The following AADACL3 variants were observed in gnomAD, a reference collection of about 807,000 sequenced individuals.
AADACL3 encodes the protein arylacetamide deacetylase-like 3.
AADACL3 carries 13 observed loss-of-function variants against 13.6 expected under a neutral mutation model. That is an observed-to-expected ratio of 0.95 (90% CI 0.62 to 1.52). AADACL3 has a LOEUF of 1.52. AADACL3 is among the 40% of genes most tolerant of loss of function. The pLI is 0.00. For synonymous variants in AADACL3, 195 were observed against 197.0 expected, an observed-to-expected ratio of 0.99 and a Z score of 0.08; for missense variants, 519 against 499.2, an observed-to-expected ratio of 1.04 and a Z score of -0.38.
Position 12,726,325 on chromosome 1 carries a change from T to G in AADACL3, c.*329T>G. The G allele has an allele frequency of 3.2e-6, 1 of 308,950 alleles. No individual in the cohort carries two copies. Among genetic ancestry groups the G allele is most frequent in the Non-Finnish European group, 6.0e-6 (1 of 167,182 alleles). The allele number at this position is 308,950 out of a possible 1,614,324, so 19.1% of individuals were successfully genotyped here. ...AGCCTCCCTAAGGGGCAGTTCAGGC[T>G]CCCAGATTGATCCAGACTGTGTGTG... On this transcript the variant is annotated 3_prime_UTR_variant, in exon 4 of 4. Coordinates refer to ENST00000359318, the MANE Select transcript of AADACL3 (RefSeq NM_001103170.3).
intron 3 of AADACL3, among the ~76,000 whole-genome samples, chr1:12,722,186 G>T (rs946379018): frequency 1.3e-5 from 2 of 152,074 alleles, no homozygotes; most frequent in Non-Finnish European, 2.9e-5. Flanking sequence ...AATTAGCCAG[G>T]TGTGGTGGCA....
intron 3 of AADACL3, among the ~76,000 whole-genome samples, chr1:12,724,023 A>G (rs1638318457): frequency 1.3e-5 from 2 of 152,032 alleles, no homozygotes; most frequent in African/African-American, 4.8e-5. Context: ...ACCTCAGGTG[A>G]TCCACCTGCC....
chr1:12,724,680 C>T (rs1020460884), intron 3 of AADACL3, among the ~76,000 whole-genome samples: 1 of 151,974 alleles, frequency 6.6e-6, no homozygotes, highest in East Asian at 1.9e-4. Flanking sequence ...GAGGTGGGGT[C>T]TCACCATGTT....
chr1:12,728,520 AG>A lies in AADACL3; in HGVS notation c.*2526del, dbSNP rs1322694962. On this transcript the variant is annotated 3_prime_UTR_variant, in exon 4 of 4. Transcript: ENST00000359318. ...GAGCCTTCAGTGATTGCAGTAGCCT[AG>A]GCTACTATTTTCTATGTGGGGTTTG... 2 of 152,268 alleles carry A rather than the reference AG, an allele frequency of 1.3e-5. No homozygotes were observed. The highest frequency in any genetic ancestry group is 4.8e-5 in the African/African-American group (2 of 41,456). The allele number at this position is 152,268 out of a possible 1,614,324, so 9.4% of individuals were successfully genotyped here.
Position 12,727,623 on chromosome 1 carries a change from G to A in AADACL3, c.*1627G>A, listed in dbSNP as rs1030713241. 6.6e-6 allele frequency: 1 copy of A among 152,240 alleles called. No homozygotes were observed. The highest frequency in any genetic ancestry group is 1.5e-5 in the Non-Finnish European group (1 of 68,046). 9.4% of individuals were successfully genotyped at this position (152,240 alleles called of 1,614,324 possible). On this transcript the variant is annotated 3_prime_UTR_variant, in exon 4 of 4. Coordinates refer to ENST00000359318, the MANE Select transcript of AADACL3 (RefSeq NM_001103170.3). ...TGTGCATGCCCTTAACTTGCTTTCA[G>A]TTGAATATTTGGGCTGAACTATGAG...
chr1:12,719,312 G>T (rs1009767121), intron 1 of AADACL3, among the ~76,000 whole-genome samples, 163 bp from the exon 2 acceptor site: 1 of 152,176 alleles, frequency 6.6e-6, no homozygotes, highest in Non-Finnish European at 1.5e-5. Flanking sequence ...TTTCCTGCAG[G>T]TGTCCTGAGG....
At chr1:12,719,447 G>A (rs367966099) in intron 1 of AADACL3, 28 bp from the exon 2 acceptor site, 18 of 1,600,704 alleles carry the variant, frequency 1.1e-5, no homozygotes, top group Middle Eastern at 1.7e-4. Flanking sequence ...AACCCATCTC[G>A]ACCCATCATT....
intron 3 of AADACL3, among the ~76,000 whole-genome samples, chr1:12,723,870 G>C (rs1317831160): frequency 1.4e-5 from 1 of 73,710 alleles, no homozygotes; most frequent in Admixed American, 1.1e-4. Context: ...CACAACTTCT[G>C]CCTCCTGGGT....
In AADACL3 at chr1:12,720,963, T is replaced by C. The variant is rs867622256; in HGVS notation, c.449+17T>C. 1.3e-5 allele frequency: 21 copies of C among 1,583,006 alleles called. No individual in the cohort carries two copies. The Middle Eastern group carries it at 2.2e-3, about 166-fold the overall frequency. On this transcript the variant is annotated intron_variant, in intron 3 of 3. Transcript: ENST00000359318. ...GGCAGTTGGGTGAGTAAAGGGGAGATCCCAGGGAGCCAGCAAGGAGCAAGG... is the reference window on the plus strand; with the variant it reads ...GGCAGTTGGGTGAGTAAAGGGGAGACCCCAGGGAGCCAGCAAGGAGCAAGG...
At chr1:12,720,712 T>G (rs1638230090) in intron 2 of AADACL3, among the ~76,000 whole-genome samples, 171 bp from the exon 3 acceptor site, 1 of 152,120 alleles carries the variant, frequency 6.6e-6, no homozygotes, top group African/African-American at 2.4e-5. Flanking sequence ...AGAAAGTTGT[T>G]CAGGCAGTAC....
chr1:12,725,689 C>T lies in AADACL3; in HGVS notation c.917C>T (p.Pro306Leu), dbSNP rs758978507. The change falls in exon 4 of 4, where the codon CCC becomes CTC. Residue 306 changes from proline (P) to leucine (L), a missense_variant. Physicochemically the swap from Pro to Leu is moderately conservative, Grantham distance 98 (BLOSUM62 -3). Transcript: ENST00000359318. ...ERGYQLKPHE[P>L]MNEAAYLEVS... ...GGTTACCAACTGAAGCCCCATGAGC[C>T]CATGAATGAAGCTGCTTACTTGGAA... The T allele has an allele frequency of 6.2e-7, 1 of 1,614,088 alleles. No homozygotes were observed. The highest frequency in any genetic ancestry group is 1.1e-5 in the South Asian group (1 of 91,064).
intron 3 of AADACL3, among the ~76,000 whole-genome samples, chr1:12,723,620 GACA>G (rs1397492317): frequency 6.6e-6 from 1 of 152,008 alleles, no homozygotes; most frequent in Non-Finnish European, 1.5e-5. Context: ...TGGGACCACA[GACA>G]CACACCACCA....
In AADACL3 at chr1:12,719,636, C is replaced by T. The variant is rs1363784105; in HGVS notation, c.330C>T (p.Thr110=). ...KLYQPKASTC[T]LKPGIVYYHG... is the part of the protein sequence containing the mutation. ...ACCAACCCAAGGCATCCACCTGCAC[C>T]CTGAAGCCTGGCATCGTGTACTACC... Residue 110 remains threonine (T), a synonymous_variant, in exon 2 of 4, where the codon ACC becomes ACT. Coordinates refer to ENST00000359318, the MANE Select transcript of AADACL3 (RefSeq NM_001103170.3). 2 of 1,614,186 alleles carry T rather than the reference C, an allele frequency of 1.2e-6. No individual in the cohort carries two copies. The highest frequency in any genetic ancestry group is 1.7e-5 in the Admixed American group (1 of 60,016).
rs570728545 is a variant in AADACL3, at chr1:12,722,002, C to G, written c.449+1056C>G. On this transcript the variant is annotated intron_variant, in intron 3 of 3. Transcript: ENST00000359318. Reference sequence around the variant, plus strand: ...ATCTCAGTGGGGGTACATCTGCCAGCTTTCTTGTGGCACAGCTACCTGAGG... The same window carrying G: ...ATCTCAGTGGGGGTACATCTGCCAGGTTTCTTGTGGCACAGCTACCTGAGG... 1.3e-4 allele frequency among the ~76,000 whole-genome samples: 20 copies of G among 152,232 alleles called. No homozygotes were observed. The South Asian group carries it at 3.1e-3, about 24-fold the overall frequency.
In AADACL3 at chr1:12,726,219, C is replaced by T; in HGVS notation, c.*223C>T. 1 of 556,716 alleles carries T rather than the reference C, an allele frequency of 1.8e-6. No individual in the cohort carries two copies. Among genetic ancestry groups the T allele is most frequent in the South Asian group, 2.6e-5 (1 of 38,194 alleles). 34.5% of individuals were successfully genotyped at this position (556,716 alleles called of 1,614,324 possible). Reference sequence around the variant, plus strand: ...TTTGGAGGTGGGAGTGTGGCTGTCTCTATTCTCTGTTGGGAAAACCTGGGC... The same window carrying T: ...TTTGGAGGTGGGAGTGTGGCTGTCTTTATTCTCTGTTGGGAAAACCTGGGC... On this transcript the variant is annotated 3_prime_UTR_variant, in exon 4 of 4. Transcript: ENST00000359318.
Position 12,716,286 on chromosome 1 carries a change from T to C in AADACL3, c.110T>C (p.Val37Ala), listed in dbSNP as rs1262022588. Reference sequence around the variant, plus strand: ...TTCACTGTGCACATCCCTGCAGCGGTTGGCCACCCTGTGAAACTGAGAGTC... The same window carrying C: ...TTCACTGTGCACATCCCTGCAGCGGCTGGCCACCCTGTGAAACTGAGAGTC... ...HFFTVHIPAAVGHPVKLRVLH... is the reference protein window; with the variant it reads ...HFFTVHIPAAAGHPVKLRVLH... Residue 37 changes from valine (V) to alanine (A), a missense_variant, in exon 1 of 4, where the codon GTT becomes GCT. Transcript: ENST00000359318. 6.2e-7 allele frequency: 1 copy of C among 1,613,172 alleles called. No homozygotes were observed. Among genetic ancestry groups the C allele is most frequent in the Non-Finnish European group, 8.5e-7 (1 of 1,179,128 alleles).
At chr1:12,719,451 C>A (rs773185052) in intron 1 of AADACL3, 24 bp from the exon 2 acceptor site, 1 of 1,603,558 alleles carries the variant, frequency 6.2e-7, no homozygotes, top group African/African-American at 1.3e-5. Flanking sequence ...CATCTCGACC[C>A]ATCATTTCTT....
Position 12,726,091 on chromosome 1 carries a change from G to A in AADACL3, c.*95G>A. Reference sequence around the variant, plus strand: ...TTGCTGATTTAGGTGGTGCATAGTGGGGCTAGGGAGGGGGTAGAGGTTGCT... The same window carrying A: ...TTGCTGATTTAGGTGGTGCATAGTGAGGCTAGGGAGGGGGTAGAGGTTGCT... On this transcript the variant is annotated 3_prime_UTR_variant, in exon 4 of 4. Coordinates refer to ENST00000359318, the MANE Select transcript of AADACL3 (RefSeq NM_001103170.3). 1 of 1,387,066 alleles carries A rather than the reference G, an allele frequency of 7.2e-7. No homozygotes were observed. The highest frequency in any genetic ancestry group is 9.7e-7 in the Non-Finnish European group (1 of 1,028,282). 85.9% of individuals were successfully genotyped at this position (1,387,066 alleles called of 1,614,324 possible). A position where few individuals can be genotyped will look rare whatever the true frequency, so the allele number is the denominator to read the frequency against.
chr1:12,725,306 T>A lies in AADACL3; in HGVS notation c.534T>A (p.Asp178Glu). The change falls in exon 4 of 4, where the codon GAT (aspartate) becomes GAA (glutamate). Residue 178 changes from aspartate to glutamate, a missense_variant. Coordinates refer to ENST00000359318, the MANE Select transcript of AADACL3 (RefSeq NM_001103170.3). The stretch of plus-strand genomic sequence containing the variant: ...CCATCCACTTCCTGAAGTCCCTGGA[T>A]GCATATGGAGTGGATCCAGCCCGGG... ...VATIHFLKSLDAYGVDPARVV... is the reference protein window; with the variant it reads ...VATIHFLKSLEAYGVDPARVV... The A allele has an allele frequency of 6.2e-7, 1 of 1,614,126 alleles. No individual in the cohort carries two copies. The highest frequency in any genetic ancestry group is 8.5e-7 in the Non-Finnish European group (1 of 1,180,004).
Sources: gnomAD v4.1 joint callset for allele counts (sites outside exome capture counted in the v4.1 genomes callset) on GRCh38, gnomAD v4.1.1 for gene constraint, MANE v1.5 for transcripts, NCBI Gene and HGNC (gene_info 2026-07-23, HGNC 2026-07-21) for gene names.